Variants in CADPS observed in about 807,000 individuals in gnomAD.
CADPS encodes the protein calcium-dependent secretion activator 1.
Under a neutral mutation model 167.3 loss-of-function variants are expected in CADPS, and 57 were observed. The observed-to-expected ratio is 0.34, with a 90% CI of 0.28 to 0.42. The LOEUF is 0.42. Among genes scored for constraint, CADPS ranks in the 20% least tolerant of loss-of-function variants. The probability of loss-of-function intolerance (pLI) is 1.00; values close to 1 mark genes in which losing one functional copy is unlikely to be tolerated. For missense variants in CADPS, 1,414 were observed against 1,738.1 expected (o/e 0.81, Z 3.32); for synonymous variants, 676 against 635.3 (o/e 1.06, Z -0.96).
At position 62,781,021 on chromosome 3, in the gene CADPS, G is replaced by A. The variant is rs573622230; in HGVS notation, c.442-15037C>T. Among the ~76,000 whole-genome samples the A allele has an allele frequency of 2.0e-5, 3 of 152,210 alleles. No homozygotes were observed. The South Asian group carries it at 6.2e-4, about 32-fold the overall frequency. The stretch of plus-strand genomic sequence containing the variant: ...TATTTTTTAAAAAGATACTATTAGG[G>A]CTGATACTATTAGGGTACAATTTGC... On this transcript the variant is annotated intron_variant, in intron 1 of 29. Coordinates refer to ENST00000383710, the MANE Select transcript of CADPS (RefSeq NM_003716.4).
At chr3:62,779,284 G>A (rs1391130790) in intron 1 of CADPS, 1 of 356,420 alleles carries the variant, frequency 2.8e-6, no homozygotes, top group African/African-American at 2.1e-5. Flanking sequence ...TTTCTGGGCA[G>A]GAAACTTCTG....
intron 3 of CADPS, among the ~76,000 whole-genome samples, chr3:62,675,527 G>A (rs2076207656): frequency 6.6e-6 from 1 of 152,082 alleles, no homozygotes; most frequent in Non-Finnish European, 1.5e-5. Flanking sequence ...GCTTAGAGGA[G>A]GGAAATAGAA....
intron 1 of CADPS, among the ~76,000 whole-genome samples, chr3:62,783,559 G>C (rs751520685): frequency 1.9e-4 from 29 of 152,032 alleles, no homozygotes; most frequent in Non-Finnish European, 3.5e-4. Context: ...TTGAATTCCG[G>C]CTCAGCATTT....
intron 3 of CADPS, among the ~76,000 whole-genome samples, chr3:62,716,900 T>C (rs1169907297): frequency 6.6e-6 from 1 of 152,188 alleles, no homozygotes; most frequent in Non-Finnish European, 1.5e-5. Context: ...TCTCCAAATG[T>C]TAATGGTTCA....
At chr3:62,723,917 C>T (rs1223177249) in intron 3 of CADPS, among the ~76,000 whole-genome samples, 1 of 152,184 alleles carries the variant, frequency 6.6e-6, no homozygotes, top group East Asian at 1.9e-4. Context: ...TGTCTCAGGG[C>T]CACATGCCCA....
chr3:62,549,094 A>C (rs2076930845), intron 11 of CADPS, among the ~76,000 whole-genome samples: 1 of 152,226 alleles, frequency 6.6e-6, no homozygotes, highest in South Asian at 2.1e-4. Context: ...GCTAAAAATG[A>C]CTTGTACCTG....
chr3:62,709,844 A>T (rs1346670872), intron 3 of CADPS, among the ~76,000 whole-genome samples: 1 of 151,752 alleles, frequency 6.6e-6, no homozygotes, highest in Non-Finnish European at 1.5e-5. Context: ...ATCTCGGCTC[A>T]CTGCAACCTC....
intron 3 of CADPS, among the ~76,000 whole-genome samples, chr3:62,675,235 G>A (rs1277150085): frequency 1.3e-5 from 2 of 151,682 alleles, no homozygotes; most frequent in East Asian, 3.9e-4. Flanking sequence ...TAATCTTGTG[G>A]CCCTAACCTA....
rs2086323476 is a variant in CADPS, at chr3:62,592,695, A to C, written c.1379T>G (p.Val460Gly). Residue 460 changes from valine (V) to glycine (G), a missense_variant, in exon 7 of 30, where the codon GTG (valine) becomes GGG (glycine). Around this residue, in one of 6 missense-constraint regions of CADPS, gnomAD observed 157 missense variants for 229.4 expected, o/e 0.68. Coordinates refer to ENST00000383710, the MANE Select transcript of CADPS (RefSeq NM_003716.4). ...GCCTGTGCTCTCTGTGAACAGCTTC[A>C]CCTTCACAGCTGGCAGTGCATGGGT... ...STTHALPAVKVKLFTESTGVL... is the reference protein window; with the variant it reads ...STTHALPAVKGKLFTESTGVL... 6.2e-7 allele frequency: 1 copy of C among 1,613,928 alleles called. No homozygotes were observed. Among genetic ancestry groups the C allele is most frequent in the Non-Finnish European group, 8.5e-7 (1 of 1,179,974 alleles).
intron 13 of CADPS, among the ~76,000 whole-genome samples, chr3:62,529,772 G>C (rs958004585): frequency 1.3e-5 from 2 of 152,184 alleles, no homozygotes; most frequent in Non-Finnish European, 2.9e-5. Flanking sequence ...TCAGGACTTA[G>C]AAATATTCAG....
chr3:62,744,989 G>C (rs1005607285), intron 3 of CADPS, among the ~76,000 whole-genome samples: 12 of 152,194 alleles, frequency 7.9e-5, no homozygotes, highest in African/African-American at 2.9e-4. Flanking sequence ...AGAAAATTAT[G>C]GCTCTGGGAA....
At chr3:62,715,985 T>C (rs1296852483) in intron 3 of CADPS, among the ~76,000 whole-genome samples, 1 of 152,018 alleles carries the variant, frequency 6.6e-6, no homozygotes, top group Non-Finnish European at 1.5e-5. Context: ...GACCTCATGA[T>C]CCACCCGCCT....
At chr3:62,519,461 G>A (rs901864434) in intron 13 of CADPS, among the ~76,000 whole-genome samples, 13 of 152,016 alleles carry the variant, frequency 8.6e-5, no homozygotes, top group South Asian at 2.1e-4. Flanking sequence ...TGAAATATGC[G>A]AAAATTTCCT....
chr3:62,402,245 G>A (rs1056141177), intron 29 of CADPS, among the ~76,000 whole-genome samples: 1 of 135,972 alleles, frequency 7.4e-6, no homozygotes, highest in Non-Finnish European at 1.6e-5. Context: ...GGGGCGGGGG[G>A]GGGGGGTGCC....
At chr3:62,671,070 G>A (rs529087926) in intron 3 of CADPS, among the ~76,000 whole-genome samples, 1 of 152,182 alleles carries the variant, frequency 6.6e-6, no homozygotes, top group African/African-American at 2.4e-5. Context: ...CTACTAAGCT[G>A]CCTCTGTCTG....
intron 29 of CADPS, among the ~76,000 whole-genome samples, chr3:62,401,541 A>C (rs557022024): frequency 2.0e-5 from 3 of 152,362 alleles, no homozygotes; most frequent in South Asian, 4.1e-4. Flanking sequence ...TGCAAGAAAG[A>C]AAGCCAATTA....
At chr3:62,846,925 C>T (rs1342210991) in intron 1 of CADPS, among the ~76,000 whole-genome samples, 1 of 152,156 alleles carries the variant, frequency 6.6e-6, no homozygotes, top group African/African-American at 2.4e-5. Context: ...GCCTCGGCCT[C>T]CCAAAGTGCT....
chr3:62,779,008 C>T (rs1176158892), intron 1 of CADPS, among the ~76,000 whole-genome samples: 2 of 151,986 alleles, frequency 1.3e-5, no homozygotes, highest in Non-Finnish European at 2.9e-5. Flanking sequence ...CTGTCTCAGC[C>T]TCTTGAGTAG....
chr3:62,815,724 T>C lies in CADPS; in HGVS notation c.442-49740A>G, dbSNP rs115448753. ...AACTAAATCAAGGCAAAACAACTGA[T>C]AGGGCTTTTAAGTAAAAGGCATGTT... is the stretch of plus-strand genomic sequence containing the variant. On this transcript the variant is annotated intron_variant, in intron 1 of 29. Transcript: ENST00000383710. Among the ~76,000 whole-genome samples the C allele has an allele frequency of 8.4e-3, 1,276 of 152,224 alleles. 18 individuals carry two copies. Among genetic ancestry groups the C allele is most frequent in the African/African-American group, 0.029 (1,186 of 41,560 alleles).
Sources: gnomAD v4.1 joint callset for allele counts (sites outside exome capture counted in the v4.1 genomes callset) on GRCh38, gnomAD v4.1.1 for gene constraint, gnomAD v4.1.1 regional missense constraint, MANE v1.5 for transcripts, NCBI Gene and HGNC (gene_info 2026-07-23, HGNC 2026-07-21) for gene names.